Variants in STIM1 observed in about 807,000 individuals in gnomAD.
The protein encoded by STIM1 is stromal interaction molecule 1.
In STIM1, 25 loss-of-function variants were observed where a neutral mutation model predicts 74.7. The observed-to-expected ratio is 0.33, with a 90% CI of 0.24 to 0.47. The LOEUF is 0.47. STIM1 is among the 20% of genes least tolerant of loss of function. The pLI is 1.00. For missense variants in STIM1, 728 were observed against 920.8 expected, an observed-to-expected ratio of 0.79 and a Z score of 2.71; for synonymous variants, 328 against 348.8, an observed-to-expected ratio of 0.94 and a Z score of 0.66.
chr11:4,087,129 C>G (rs2133244527), intron 12 of STIM1, among the ~76,000 whole-genome samples: 1 of 152,268 alleles, frequency 6.6e-6, no homozygotes, highest in East Asian at 1.9e-4. Context: ...TATGCACTTT[C>G]ACATTAGTTA....
intron 1 of STIM1, among the ~76,000 whole-genome samples, chr11:3,914,686 C>T (rs975563133): frequency 3.2e-4 from 48 of 152,122 alleles, no homozygotes; most frequent in Non-Finnish European, 5.6e-4. Flanking sequence ...GTGATCCGCC[C>T]GCCTCGGCCT....
intron 1 of STIM1, chr11:3,892,591 G>A: frequency 6.2e-7 from 1 of 1,602,214 alleles, no homozygotes; most frequent in Non-Finnish European, 8.6e-7. Flanking sequence ...CATTTGCCAT[G>A]GACAAGATGC....
chr11:4,060,850 G>C (rs1195771063), intron 5 of STIM1, among the ~76,000 whole-genome samples: 3 of 152,192 alleles, frequency 2.0e-5, no homozygotes, highest in Admixed American at 1.3e-4. Context: ...GCACAAACTA[G>C]GGAGGAGTTT....
At position 3,992,081 on chromosome 11, in the gene STIM1, G is replaced by GTTTTTTTTTTT. The variant is rs1554963559; in HGVS notation, c.270+24406_270+24407insTTTTTTTTTTT. On this transcript the variant is annotated intron_variant, in intron 2 of 12. Transcript: ENST00000526596. ...TTTCTCTGCAGCCTTGCCAACATCT[G>GTTTTTTTTTTT]TTTTTTTGTTTTTTTTTTTTTTTTT... 8.0e-4 allele frequency among the ~76,000 whole-genome samples: 74 copies of GTTTTTTTTTTT among 91,974 alleles called. 5 individuals carry two copies. Among genetic ancestry groups the GTTTTTTTTTTT allele is most frequent in the African/African-American group, 3.3e-3 (71 of 21,326 alleles). The allele number at this position is 91,974 out of a possible 152,430, so 60.3% of individuals were successfully genotyped here. A position where few individuals can be genotyped will look rare whatever the true frequency, so the allele number is the denominator to read the frequency against.
At chr11:3,857,097 T>C (rs1045748559) in intron 1 of STIM1, among the ~76,000 whole-genome samples, 2 of 37,928 alleles carry the variant, frequency 5.3e-5, no homozygotes, top group South Asian at 1.2e-3. Context: ...ATGCTACAGG[T>C]TTTTTTTTTT....
chr11:4,083,004 C>A, intron 9 of STIM1, 22 bp downstream of exon 9: 1 of 1,592,844 alleles, frequency 6.3e-7, no homozygotes, highest in Non-Finnish European at 8.6e-7. Context: ...CAGTTATCTA[C>A]TCTGGCAATG....
intron 1 of STIM1, among the ~76,000 whole-genome samples, chr11:3,942,652 T>C (rs1035101715): frequency 1.3e-5 from 2 of 152,210 alleles, no homozygotes; most frequent in African/African-American, 4.8e-5. Context: ...ATGGGTTGTT[T>C]GCTTTGCTCT....
intron 1 of STIM1, among the ~76,000 whole-genome samples, chr11:3,958,058 G>A (rs1016651741): frequency 6.6e-6 from 1 of 152,088 alleles, no homozygotes; most frequent in Admixed American, 6.5e-5. Flanking sequence ...TAGAGACAGG[G>A]TGTCACCATG....
chr11:3,997,210 C>T (rs188069854), intron 2 of STIM1, among the ~76,000 whole-genome samples: 6 of 152,278 alleles, frequency 3.9e-5, no homozygotes, highest in Admixed American at 6.5e-5. Flanking sequence ...AAGCACTGAG[C>T]GTTCTCATTG....
At chr11:3,999,493 AG>A (rs1208091508) in intron 2 of STIM1, 1 of 152,334 alleles carries the variant, frequency 6.6e-6, no homozygotes, top group African/African-American at 2.4e-5. Context: ...CCAAGAAGCT[AG>A]GGCTTTATCT....
chr11:3,935,284 G>T lies in STIM1; in HGVS notation c.140-32268G>T, dbSNP rs140066045. On this transcript the variant is annotated intron_variant, in intron 1 of 12. Coordinates refer to ENST00000526596, the MANE Select transcript of STIM1 (RefSeq NM_001382567.1). ...ATGGGGAAACTGAGGCCCACCATGG[G>T]CATAGGACTAGTTCAAGGTTGGGTG... Among the ~76,000 whole-genome samples the T allele has an allele frequency of 1.1e-3, 175 of 152,304 alleles. 1 individual carries two copies. Among genetic ancestry groups the T allele is most frequent in the African/African-American group, 4.1e-3 (169 of 41,560 alleles).
intron 1 of STIM1, among the ~76,000 whole-genome samples, chr11:3,944,081 G>A (rs1488895552): frequency 6.6e-6 from 1 of 152,194 alleles, no homozygotes; most frequent in Non-Finnish European, 1.5e-5. Flanking sequence ...TAGTTAATGA[G>A]TTAATGATGG....
chr11:4,080,379 T>C (rs1390769739), intron 7 of STIM1, among the ~76,000 whole-genome samples: 1 of 152,212 alleles, frequency 6.6e-6, no homozygotes, highest in Non-Finnish European at 1.5e-5. Flanking sequence ...TTTATTACTG[T>C]GCATGGCATG....
chr11:3,941,673 T>TATATATATATAGAGAGAGAGAGAG (rs141623520), intron 1 of STIM1, among the ~76,000 whole-genome samples: 1 of 90,726 alleles, frequency 1.1e-5, no homozygotes, highest in African/African-American at 3.7e-5. Context: ...TATATATATA[T>TATATATATATAGAGAGAGAGAGAG]AGAGAGAGAG....
chr11:4,052,415 G>T (rs558506804), intron 3 of STIM1, among the ~76,000 whole-genome samples: 2 of 152,238 alleles, frequency 1.3e-5, no homozygotes, highest in African/African-American at 4.8e-5. Context: ...GCAGAACAGA[G>T]CCCTCAGAAA....
intron 1 of STIM1, among the ~76,000 whole-genome samples, chr11:3,950,105 TC>T (rs2093126883): frequency 6.6e-6 from 1 of 151,984 alleles, no homozygotes; most frequent in Non-Finnish European, 1.5e-5. Context: ...TGGAAACTCA[TC>T]CAAGTTGTGT....
chr11:3,871,513 C>G (rs1185564080), intron 1 of STIM1, among the ~76,000 whole-genome samples: 3 of 152,300 alleles, frequency 2.0e-5, no homozygotes, highest in South Asian at 4.1e-4. Flanking sequence ...AGGCCTGAAA[C>G]TAGCTGTTTT....
intron 2 of STIM1, among the ~76,000 whole-genome samples, chr11:3,987,542 A>G (rs2093568495): frequency 6.6e-6 from 1 of 152,144 alleles, no homozygotes; most frequent in Non-Finnish European, 1.5e-5. Context: ...CTCTGCATAG[A>G]ACAGTGGTTC....
At chr11:3,895,807 T>TTCCTTC (rs1565105591) in intron 1 of STIM1, among the ~76,000 whole-genome samples, 2 of 104,698 alleles carry the variant, frequency 1.9e-5, no homozygotes, top group Non-Finnish European at 1.8e-5. Context: ...TTCCTTCCTT[T>TTCCTTC]CTTTCCTTCC....
Sources: allele counts gnomAD v4.1 joint callset (sites outside exome capture counted in the v4.1 genomes callset), GRCh38; gene constraint gnomAD v4.1.1; transcripts MANE v1.5; gene names NCBI Gene and HGNC (gene_info 2026-07-23, HGNC 2026-07-21).